The following KCND2 variants were observed in gnomAD, a reference collection of about 807,000 sequenced individuals.
The protein encoded by KCND2 is A-type voltage-gated potassium channel KCND2.
A neutral mutation model predicts 54.4 loss-of-function variants in KCND2; 16 were observed. The observed-to-expected ratio is 0.29, with a 90% CI of 0.20 to 0.45. KCND2 has a LOEUF of 0.45. KCND2 is among the 20% of genes least tolerant of loss of function. The pLI is 1.00. For synonymous variants in KCND2, 317 were observed against 310.7 expected (o/e 1.02, Z -0.21); for missense variants, 486 against 824.2 (o/e 0.59, Z 5.02).
chr7:120,678,744 A>G (rs1383462106), intron 1 of KCND2, among the ~76,000 whole-genome samples: 31 of 51,392 alleles, frequency 6.0e-4, no homozygotes, highest in East Asian at 3.1e-3. Context: ...GAGTGTATAT[A>G]TATATATATA....
chr7:120,460,185 C>G (rs925945208), intron 1 of KCND2, among the ~76,000 whole-genome samples: 1 of 152,100 alleles, frequency 6.6e-6, no homozygotes, highest in South Asian at 2.1e-4. Context: ...TGGTTGAGCT[C>G]CCCTTAGACA....
chr7:120,418,163 G>A (rs975428830), intron 1 of KCND2, among the ~76,000 whole-genome samples: 2 of 152,092 alleles, frequency 1.3e-5, no homozygotes, highest in Admixed American at 1.3e-4. Context: ...ATCCTATTAA[G>A]AGAGTAGAAG....
intron 1 of KCND2, among the ~76,000 whole-genome samples, chr7:120,390,944 G>A (rs1312849307): frequency 2.0e-5 from 3 of 151,986 alleles, no homozygotes; most frequent in Non-Finnish European, 4.4e-5. Context: ...TACATGTGCT[G>A]AATGGGGCAG....
At chr7:120,384,369 C>A (rs1196515480) in intron 1 of KCND2, among the ~76,000 whole-genome samples, 1 of 152,046 alleles carries the variant, frequency 6.6e-6, no homozygotes, top group Non-Finnish European at 1.5e-5. Context: ...AAGCAAAAGA[C>A]TGTCAAAGTG....
At chr7:120,606,451 T>G (rs1297264065) in intron 1 of KCND2, among the ~76,000 whole-genome samples, 1 of 152,130 alleles carries the variant, frequency 6.6e-6, no homozygotes, top group African/African-American at 2.4e-5. Flanking sequence ...CAAATCATTG[T>G]TTAATACGAT....
intron 1 of KCND2, among the ~76,000 whole-genome samples, chr7:120,385,764 C>A (rs1322023383): frequency 6.6e-6 from 1 of 151,982 alleles, no homozygotes. Context: ...GAAAAATGTT[C>A]TTGATATACA....
At chr7:120,485,149 A>G (rs918174890) in intron 1 of KCND2, among the ~76,000 whole-genome samples, 2 of 152,096 alleles carry the variant, frequency 1.3e-5, no homozygotes, top group Non-Finnish European at 1.5e-5. Flanking sequence ...CAGTCTCCCA[A>G]TGTGCTGAGT....
intron 1 of KCND2, among the ~76,000 whole-genome samples, chr7:120,309,329 TA>T (rs1799693579): frequency 6.6e-6 from 1 of 151,638 alleles, no homozygotes; most frequent in African/African-American, 2.4e-5. Context: ...ATACTGAAAA[TA>T]AGAGTATTTA....
intron 4 of KCND2, among the ~76,000 whole-genome samples, chr7:120,743,366 A>G (rs1280391070): frequency 6.6e-6 from 1 of 152,218 alleles, no homozygotes. Context: ...ATTTACCAAT[A>G]GAGTCATTCA....
chr7:120,740,733 C>T, intron 2 of KCND2: 2 of 382,148 alleles, frequency 5.2e-6, no homozygotes, highest in Middle Eastern at 7.2e-4. Flanking sequence ...TCTCTACAGA[C>T]ACACACACAC....
At chr7:120,692,166 G>A (rs1446147254) in intron 1 of KCND2, among the ~76,000 whole-genome samples, 1 of 152,176 alleles carries the variant, frequency 6.6e-6, no homozygotes, top group Admixed American at 6.5e-5. Flanking sequence ...AGGTAGCTGA[G>A]AAAGGAAGTG....
intron 1 of KCND2, among the ~76,000 whole-genome samples, chr7:120,595,451 CAAAA>C (rs759040293): frequency 9.2e-5 from 4 of 43,688 alleles, no homozygotes; most frequent in African/African-American, 3.6e-4. Flanking sequence ...ACTGTGCCAC[CAAAA>C]AAAAAATATA....
At chr7:120,530,546 G>A (rs10244347) in intron 1 of KCND2, among the ~76,000 whole-genome samples, 9,683 of 152,046 alleles carry the variant, frequency 0.064, 633 homozygotes, top group African/African-American at 0.18. Context: ...CATAATTCTC[G>A]GGTAGCTCAT....
In KCND2 at chr7:120,723,643, AG is replaced by A. The variant is rs369271514; in HGVS notation, c.1116-9258del. Among the ~76,000 whole-genome samples the A allele has an allele frequency of 1.1e-4, 16 of 152,266 alleles. No individual in the cohort carries two copies. In the East Asian group the frequency reaches 2.5e-3, roughly 24 times the overall value. The stretch of plus-strand genomic sequence containing the variant: ...TGAGGCTGAAGGTTCCCTTGAGTCC[AG>A]GATTTCTAGACTGTAGTACACTATG... On this transcript the variant is annotated intron_variant, in intron 1 of 5. Transcript: ENST00000331113.
intron 1 of KCND2, among the ~76,000 whole-genome samples, chr7:120,595,962 A>G (rs1028035668): frequency 1.3e-5 from 2 of 151,548 alleles, no homozygotes; most frequent in Non-Finnish European, 2.9e-5. Flanking sequence ...TGAGGGAGAA[A>G]TCTCTGAGTG....
chr7:120,496,208 C>G (rs1396185139), intron 1 of KCND2, among the ~76,000 whole-genome samples: 3 of 151,992 alleles, frequency 2.0e-5, no homozygotes. Flanking sequence ...AGAAGTTGCC[C>G]TGATGAGTTT....
intron 1 of KCND2, among the ~76,000 whole-genome samples, chr7:120,652,795 G>A (rs114288672): frequency 0.034 from 5,218 of 152,200 alleles, 210 homozygotes; most frequent in African/African-American, 0.1. Flanking sequence ...TGCTGGAGAG[G>A]GGAAATTAGG....
chr7:120,683,004 C>T (rs1792159354), intron 1 of KCND2, among the ~76,000 whole-genome samples: 1 of 152,160 alleles, frequency 6.6e-6, no homozygotes, highest in Non-Finnish European at 1.5e-5. Flanking sequence ...TTCTAGAAGA[C>T]TCCCCAACTA....
intron 1 of KCND2, among the ~76,000 whole-genome samples, chr7:120,347,625 C>T (rs1234846492): frequency 1.3e-5 from 2 of 151,804 alleles, no homozygotes; most frequent in Non-Finnish European, 2.9e-5. Context: ...GGCATGGTGT[C>T]GTGCGCCTGT....
Sources: allele counts gnomAD v4.1 joint callset (sites outside exome capture counted in the v4.1 genomes callset), GRCh38; gene constraint gnomAD v4.1.1; transcripts MANE v1.5; gene names NCBI Gene and HGNC (gene_info 2026-07-23, HGNC 2026-07-21).